Variants in ADGRL2 observed in about 807,000 individuals in gnomAD.
ADGRL2 encodes calcium-independent alpha-latrotoxin receptor 2.
In ADGRL2, 44 loss-of-function variants were observed where a neutral mutation model predicts 157.4. That is an observed-to-expected ratio of 0.28 (90% CI 0.22 to 0.36). The LOEUF is 0.36. Among genes scored for constraint, ADGRL2 ranks in the 10% least tolerant of loss-of-function variants. The pLI is 1.00. For missense variants in ADGRL2, 1,510 were observed against 1,768.9 expected (o/e 0.85, Z 2.63); for synonymous variants, 585 against 624.7 (o/e 0.94, Z 0.95).
intron 11 of ADGRL2, among the ~76,000 whole-genome samples, chr1:81,963,024 G>T (rs542907995): frequency 6.6e-6 from 1 of 152,062 alleles, no homozygotes; most frequent in East Asian, 1.9e-4. Flanking sequence ...GAGGTGCCAG[G>T]GTGAACTGTT....
At chr1:81,433,299 C>T (rs1473543527) in intron 1 of ADGRL2, among the ~76,000 whole-genome samples, 1 of 152,106 alleles carries the variant, frequency 6.6e-6, no homozygotes, top group Non-Finnish European at 1.5e-5. Context: ...TAGATTAGTG[C>T]AGGTCAATCT....
At chr1:81,558,818 C>T (rs2080374660) in intron 2 of ADGRL2, among the ~76,000 whole-genome samples, 1 of 152,082 alleles carries the variant, frequency 6.6e-6, no homozygotes, top group African/African-American at 2.4e-5. Context: ...AAAGCAAGTA[C>T]AGATGGAAAA....
chr1:81,570,196 C>A (rs1035672587), intron 2 of ADGRL2, among the ~76,000 whole-genome samples: 7 of 152,182 alleles, frequency 4.6e-5, no homozygotes. Flanking sequence ...TATCAAGGAA[C>A]AGGGATCACT....
intron 1 of ADGRL2, among the ~76,000 whole-genome samples, chr1:81,380,010 C>T (rs1557642762): frequency 6.6e-6 from 1 of 152,168 alleles, no homozygotes; most frequent in Non-Finnish European, 1.5e-5. Context: ...CTTCCCTTCC[C>T]AGCACTCCCT....
chr1:81,632,691 G>A (rs573016769), intron 3 of ADGRL2, among the ~76,000 whole-genome samples: 2 of 151,904 alleles, frequency 1.3e-5, no homozygotes, highest in South Asian at 4.2e-4. Flanking sequence ...CCCGGGAGGC[G>A]GAGCTCGCAG....
chr1:81,935,487 C>G (rs1433647000), intron 3 of ADGRL2, among the ~76,000 whole-genome samples: 1 of 151,876 alleles, frequency 6.6e-6, no homozygotes, highest in African/African-American at 2.4e-5. Flanking sequence ...TGAAATGGCA[C>G]CAAAGTATAC....
intron 23 of ADGRL2, 185 bp from the exon 24 acceptor site, chr1:81,990,206 T>C (rs1664312305): frequency 1.0e-6 from 1 of 985,284 alleles, no homozygotes; most frequent in South Asian, 4.7e-5. Context: ...TAACACTTTT[T>C]CCTGTTATCT....
intron 3 of ADGRL2, among the ~76,000 whole-genome samples, chr1:81,613,326 A>G (rs1371054268): frequency 1.3e-5 from 2 of 152,214 alleles, no homozygotes; most frequent in African/African-American, 4.8e-5. Context: ...AGAAGTGGCC[A>G]GTGGGTATGA....
At chr1:81,921,927 A>G (rs1249140325) in intron 3 of ADGRL2, among the ~76,000 whole-genome samples, 3 of 152,152 alleles carry the variant, frequency 2.0e-5, no homozygotes, top group African/African-American at 7.2e-5. Flanking sequence ...AACAGTATTT[A>G]TTAACAACTG....
At chr1:81,681,140 A>G (rs181917094) in intron 3 of ADGRL2, among the ~76,000 whole-genome samples, 23 of 152,368 alleles carry the variant, frequency 1.5e-4, no homozygotes, top group African/African-American at 5.5e-4. Context: ...AGAATTCACC[A>G]GCTGCCTCTA....
chr1:81,423,365 C>G (rs2101560980), intron 1 of ADGRL2, among the ~76,000 whole-genome samples: 1 of 152,240 alleles, frequency 6.6e-6, no homozygotes, highest in African/African-American at 2.4e-5. Context: ...CAGGCATGCC[C>G]AGGACACTTT....
At chr1:81,945,727 C>G (rs1244200127) in intron 6 of ADGRL2, among the ~76,000 whole-genome samples, 1 of 152,060 alleles carries the variant, frequency 6.6e-6, no homozygotes, top group Non-Finnish European at 1.5e-5. Context: ...GTTCCTACAA[C>G]TATGGTTTGT....
intron 1 of ADGRL2, chr1:81,722,093 C>T (rs1264984120): frequency 1.1e-5 from 4 of 375,248 alleles, no homozygotes; most frequent in African/African-American, 2.1e-5. Flanking sequence ...GAGATCGAGA[C>T]CATCCTGGCT....
intron 1 of ADGRL2, among the ~76,000 whole-genome samples, chr1:81,345,649 G>A (rs1296602549): frequency 2.6e-5 from 4 of 152,176 alleles, no homozygotes; most frequent in Non-Finnish European, 5.9e-5. Context: ...AAAAACAGGT[G>A]AATTGTTTTA....
chr1:81,837,809 T>A (rs979006659), intron 2 of ADGRL2, among the ~76,000 whole-genome samples: 1 of 151,980 alleles, frequency 6.6e-6, no homozygotes, highest in East Asian at 1.9e-4. Flanking sequence ...TATTTCCACA[T>A]GAAAACAACA....
chr1:81,759,943 A>T (rs554521639), intron 1 of ADGRL2, among the ~76,000 whole-genome samples: 12 of 152,208 alleles, frequency 7.9e-5, no homozygotes, highest in African/African-American at 2.4e-4. Flanking sequence ...TCCTTTACTC[A>T]TGCACTCTCT....
intron 2 of ADGRL2, among the ~76,000 whole-genome samples, chr1:81,524,033 C>T (rs1328977732): frequency 6.6e-6 from 1 of 150,908 alleles, no homozygotes; most frequent in Non-Finnish European, 1.5e-5. Flanking sequence ...ATATTGCACT[C>T]CAGCTGGGTG....
chr1:81,480,270 A>T (rs1570223001), intron 2 of ADGRL2, among the ~76,000 whole-genome samples: 1 of 152,156 alleles, frequency 6.6e-6, no homozygotes, highest in Non-Finnish European at 1.5e-5. Flanking sequence ...AGACAAAATC[A>T]TACTGAACTC....
At chr1:81,666,480 G>A (rs1039011641) in intron 3 of ADGRL2, among the ~76,000 whole-genome samples, 12 of 152,244 alleles carry the variant, frequency 7.9e-5, no homozygotes, top group Non-Finnish European at 1.6e-4. Flanking sequence ...AACTCTCAGT[G>A]TTTGATTTCA....
Sources: gnomAD v4.1 joint callset for allele counts (sites outside exome capture counted in the v4.1 genomes callset) on GRCh38, gnomAD v4.1.1 for gene constraint, MANE v1.5 for transcripts, NCBI Gene and HGNC (gene_info 2026-07-23, HGNC 2026-07-21) for gene names.